EAF2: variants seen among roughly 807,000 people sequenced by gnomAD.
EAF2 encodes ELL-associated factor 2.
A neutral mutation model predicts 29.4 loss-of-function variants in EAF2; 29 were observed. The observed-to-expected ratio is 0.99, with a 90% confidence interval of 0.73 to 1.35. EAF2 has a LOEUF of 1.35. Ranked by LOEUF, EAF2 falls within the 40% of genes most tolerant of loss-of-function variation. The pLI, the probability that EAF2 is intolerant of heterozygous loss-of-function variation, is 0.00. For missense variants in EAF2, 292 were observed against 312.0 expected (o/e 0.94, Z 0.48); for synonymous variants, 103 against 102.5 (o/e 1.00, Z -0.03).
intron 3 of EAF2, 88 bp from the exon 4 acceptor site, chr3:121,856,923 T>A (rs952359685): frequency 7.9e-5 from 84 of 1,064,914 alleles, no homozygotes; most frequent in Non-Finnish European, 1.1e-4. Context: ...AGGAAAAGAA[T>A]AAGTGGTCAG....
chr3:121,857,148 T>C lies in EAF2; in HGVS notation c.476T>C (p.Ile159Thr). 6.2e-7 allele frequency: 1 copy of C among 1,608,630 alleles called. No homozygotes were observed. The highest frequency in any genetic ancestry group is 8.5e-7 in the Non-Finnish European group (1 of 1,178,140). Reference sequence around the variant, plus strand: ...TCCCCAGCATCTCCAATAGATGATATCGAAAGAGGTAAAATCTAAGTATAT... The same window carrying C: ...TCCCCAGCATCTCCAATAGATGATACCGAAAGAGGTAAAATCTAAGTATAT... ...KMSPASPIDD[I>T]ERELKAEASL... The change falls in exon 4 of 6, where the codon ATC (isoleucine) becomes ACC (threonine). Residue 159 changes from isoleucine (I) to threonine (T), a missense_variant. By Grantham distance (89) the Ile-to-Thr change is moderately conservative (BLOSUM62 -1). Coordinates refer to ENST00000273668, the MANE Select transcript of EAF2 (RefSeq NM_018456.6).
chr3:121,861,355 T>G (rs1220208179), intron 4 of EAF2, among the ~76,000 whole-genome samples: 5 of 152,228 alleles, frequency 3.3e-5, no homozygotes, highest in Non-Finnish European at 5.9e-5. Flanking sequence ...TGGGTACTCC[T>G]GTACTGGGTG....
intron 4 of EAF2, among the ~76,000 whole-genome samples, chr3:121,861,023 T>G (rs1185087697): frequency 6.6e-6 from 1 of 152,266 alleles, no homozygotes; most frequent in African/African-American, 2.4e-5. Flanking sequence ...GATTGCACTG[T>G]GTTCTGAGAG....
chr3:121,875,908 G>A (rs1239359620), intron 5 of EAF2, among the ~76,000 whole-genome samples: 1 of 151,842 alleles, frequency 6.6e-6, no homozygotes, highest in African/African-American at 2.4e-5. Context: ...CACAATACAA[G>A]AGAGACAGAA....
chr3:121,873,415 C>T (rs1709050085), intron 5 of EAF2, among the ~76,000 whole-genome samples: 1 of 151,748 alleles, frequency 6.6e-6, no homozygotes, highest in African/African-American at 2.4e-5. Flanking sequence ...TGTTTTGCCT[C>T]CTCTATATTT....
At chr3:121,859,449 A>C (rs1269415643) in intron 4 of EAF2, among the ~76,000 whole-genome samples, 1 of 152,028 alleles carries the variant, frequency 6.6e-6, no homozygotes, top group Non-Finnish European at 1.5e-5. Context: ...ATGGGAGTTC[A>C]CTCATGATTT....
chr3:121,844,928 T>C (rs780617371), intron 2 of EAF2, among the ~76,000 whole-genome samples: 1 of 152,218 alleles, frequency 6.6e-6, no homozygotes, highest in Admixed American at 6.5e-5. Flanking sequence ...TATGAAATTC[T>C]ATGTAACCAC....
intron 2 of EAF2, among the ~76,000 whole-genome samples, chr3:121,845,192 C>T (rs563421430): frequency 1.2e-4 from 18 of 152,078 alleles, no homozygotes; most frequent in African/African-American, 3.4e-4. Flanking sequence ...GTAATCCCAG[C>T]GCTTTGGGAG....
At chr3:121,876,164 G>C (rs1044647061) in intron 5 of EAF2, among the ~76,000 whole-genome samples, 9 of 151,824 alleles carry the variant, frequency 5.9e-5, no homozygotes, top group Non-Finnish European at 1.2e-4. Flanking sequence ...AAAAACTACA[G>C]AGAAGACAAA....
At chr3:121,858,611 C>T (rs572371672) in intron 4 of EAF2, among the ~76,000 whole-genome samples, 3 of 150,924 alleles carry the variant, frequency 2.0e-5, no homozygotes, top group South Asian at 2.1e-4. Context: ...TTCTCCCATT[C>T]TGTAGGTTGC....
At chr3:121,882,569 A>T (rs1284169501) in intron 5 of EAF2, among the ~76,000 whole-genome samples, 1 of 152,072 alleles carries the variant, frequency 6.6e-6, no homozygotes, top group East Asian at 1.9e-4. Flanking sequence ...CAAATACAAT[A>T]AAACAAGTAA....
intron 4 of EAF2, among the ~76,000 whole-genome samples, chr3:121,858,497 C>A (rs1238429646): frequency 6.6e-6 from 1 of 152,212 alleles, no homozygotes; most frequent in Admixed American, 6.5e-5. Flanking sequence ...ATATCCTTTG[C>A]CCACTTTTTG....
At chr3:121,849,097 AG>A in intron 2 of EAF2, among the ~76,000 whole-genome samples, 1 of 152,242 alleles carries the variant, frequency 6.6e-6, no homozygotes, top group East Asian at 1.9e-4. Flanking sequence ...TTAATTCTGT[AG>A]GTTTTTTGTG....
intron 2 of EAF2, among the ~76,000 whole-genome samples, chr3:121,848,979 A>G (rs773795133): frequency 6.6e-6 from 1 of 152,212 alleles, no homozygotes; most frequent in South Asian, 2.1e-4. Flanking sequence ...TTGAACAATC[A>G]TGAATAACAA....
intron 2 of EAF2, among the ~76,000 whole-genome samples, chr3:121,847,111 A>G (rs1180478335): frequency 6.6e-6 from 1 of 152,222 alleles, no homozygotes; most frequent in East Asian, 1.9e-4. Flanking sequence ...ATTCTGTGTG[A>G]TAAGTCCTAT....
chr3:121,843,995 G>C (rs902374968), intron 1 of EAF2, among the ~76,000 whole-genome samples: 3 of 151,994 alleles, frequency 2.0e-5, no homozygotes, highest in Non-Finnish European at 4.4e-5. Context: ...AGGCACCAAA[G>C]GTGCTTTAAA....
At chr3:121,868,410 C>A (rs145291235) in intron 4 of EAF2, among the ~76,000 whole-genome samples, 39 of 152,126 alleles carry the variant, frequency 2.6e-4, no homozygotes, top group African/African-American at 8.7e-4. Context: ...ACCAGCCTGG[C>A]CAACGTGGTG....
At chr3:121,851,840 G>A (rs2107512652) in intron 2 of EAF2, among the ~76,000 whole-genome samples, 1 of 152,282 alleles carries the variant, frequency 6.6e-6, no homozygotes, top group South Asian at 2.1e-4. Context: ...CCGATAGGTG[G>A]TATTCAATAG....
intron 1 of EAF2, among the ~76,000 whole-genome samples, chr3:121,836,435 T>A (rs534614399): frequency 6.6e-6 from 1 of 152,348 alleles, no homozygotes; most frequent in Admixed American, 6.5e-5. Flanking sequence ...AAAGTTTATT[T>A]AAGTTGTAGA....
Sources: allele counts gnomAD v4.1 joint callset (sites outside exome capture counted in the v4.1 genomes callset), GRCh38; gene constraint gnomAD v4.1.1; transcripts MANE v1.5; gene names NCBI Gene and HGNC (gene_info 2026-07-23, HGNC 2026-07-21).